GALNT10: variants seen among roughly 807,000 people sequenced by gnomAD.
GALNT10 encodes polypeptide N-acetylgalactosaminyltransferase 10.
In GALNT10, 41 loss-of-function variants were observed where a neutral mutation model predicts 75.0. That is an observed-to-expected ratio of 0.55 (90% CI 0.43 to 0.71). The LOEUF is 0.71. Ranked by LOEUF, GALNT10 falls within the 30% of genes least tolerant of loss-of-function variation. The pLI, the probability that GALNT10 is intolerant of heterozygous loss-of-function variation, is 0.00. For missense variants in GALNT10, 727 were observed against 818.5 expected, an observed-to-expected ratio of 0.89 and a Z score of 1.36; for synonymous variants, 302 against 313.0, an observed-to-expected ratio of 0.96 and a Z score of 0.37.
chr5:154,338,365 G>T, intron 4 of GALNT10: 1 of 462,088 alleles, frequency 2.2e-6, no homozygotes, highest in Non-Finnish European at 4.0e-6. Context: ...TGAGACCTCA[G>T]GCTCTCATCA....
At chr5:154,339,860 C>T (rs1755004380) in intron 4 of GALNT10, among the ~76,000 whole-genome samples, 1 of 152,156 alleles carries the variant, frequency 6.6e-6, no homozygotes, top group Non-Finnish European at 1.5e-5. Context: ...CAATGGAACA[C>T]AAGACTGGGG....
At chr5:154,310,623 C>T (rs754052674) in intron 3 of GALNT10, among the ~76,000 whole-genome samples, 8 of 151,896 alleles carry the variant, frequency 5.3e-5, no homozygotes, top group Non-Finnish European at 1.0e-4. Flanking sequence ...GCATACCACC[C>T]ACCACACCTG....
chr5:154,341,757 T>G (rs999977704), intron 4 of GALNT10, among the ~76,000 whole-genome samples: 4 of 152,140 alleles, frequency 2.6e-5, no homozygotes, highest in African/African-American at 9.7e-5. Flanking sequence ...TAAATAGACC[T>G]TCTTCCTGAG....
chr5:154,392,891 A>G (rs1471600423), intron 7 of GALNT10: 1 of 152,096 alleles, frequency 6.6e-6, no homozygotes, highest in African/African-American at 2.4e-5. Flanking sequence ...TTCCATGCCC[A>G]GGAGTTTATA....
intron 3 of GALNT10, among the ~76,000 whole-genome samples, chr5:154,306,727 A>C (rs1488501319): frequency 1.3e-5 from 2 of 152,094 alleles, no homozygotes; most frequent in East Asian, 1.9e-4. Flanking sequence ...GCTGGTCAAA[A>C]AACAACAACA....
intron 1 of GALNT10, among the ~76,000 whole-genome samples, chr5:154,264,006 G>A (rs1753741007): frequency 6.6e-6 from 1 of 152,114 alleles, no homozygotes; most frequent in Non-Finnish European, 1.5e-5. Context: ...TTTGTGTTAT[G>A]TGATTTATAT....
intron 1 of GALNT10, among the ~76,000 whole-genome samples, chr5:154,253,843 T>C (rs1753566944): frequency 6.6e-6 from 1 of 151,996 alleles, no homozygotes; most frequent in South Asian, 2.1e-4. Flanking sequence ...GTTCCTGTCC[T>C]GCTCAGTTTG....
chr5:154,231,948 G>A (rs1373730497), intron 1 of GALNT10, among the ~76,000 whole-genome samples: 3 of 152,206 alleles, frequency 2.0e-5, no homozygotes. Context: ...TCAGCCCAAA[G>A]AGCCTGTTAA....
chr5:154,332,282 C>A (rs750799901), intron 4 of GALNT10, among the ~76,000 whole-genome samples: 4 of 152,188 alleles, frequency 2.6e-5, no homozygotes, highest in Non-Finnish European at 5.9e-5. Context: ...TCTGAGCAGG[C>A]TCCTTGTTGT....
At chr5:154,290,633 G>A (rs919481177) in intron 1 of GALNT10, among the ~76,000 whole-genome samples, 8 of 152,128 alleles carry the variant, frequency 5.3e-5, no homozygotes, top group Admixed American at 3.9e-4. Context: ...GATTGTCTCC[G>A]TTCATCTGAA....
At chr5:154,338,046 A>G in intron 4 of GALNT10, 1 of 1,381,424 alleles carries the variant, frequency 7.2e-7, no homozygotes, top group South Asian at 1.2e-5. Context: ...ATTTTTCCAT[A>G]CTGTTCAAAA....
chr5:154,315,278 C>T (rs957688438), intron 3 of GALNT10, among the ~76,000 whole-genome samples: 2 of 152,256 alleles, frequency 1.3e-5, no homozygotes, highest in East Asian at 1.9e-4. Context: ...CAAGGAATCA[C>T]GGGCAATAGA....
chr5:154,290,767 G>A (rs1398399148), intron 1 of GALNT10, among the ~76,000 whole-genome samples: 1 of 152,188 alleles, frequency 6.6e-6, no homozygotes, highest in Non-Finnish European at 1.5e-5. Context: ...TAACCTGGGA[G>A]TCAAAGGACA....
rs141054934 is a variant in GALNT10, at chr5:154,336,420, C to T, written c.568+6682C>T. On this transcript the variant is annotated intron_variant, in intron 4 of 11. Transcript: ENST00000297107. ...TATAAGAAACTGCCAAATTGTCTTC[C>T]AAAGTGGCTGTACCATTTTGCATTT... Among the ~76,000 whole-genome samples, 1,312 of 152,298 alleles carry T rather than the reference C, an allele frequency of 8.6e-3. 20 individuals are homozygous for T. The highest frequency in any genetic ancestry group is 0.031 in the African/African-American group (1,281 of 41,540).
intron 7 of GALNT10, among the ~76,000 whole-genome samples, chr5:154,394,056 G>A (rs963861646): frequency 1.8e-4 from 27 of 152,248 alleles, no homozygotes; most frequent in Middle Eastern, 3.4e-3. Context: ...GGGCCCCACC[G>A]TCCTTGGCAA....
intron 7 of GALNT10, among the ~76,000 whole-genome samples, chr5:154,395,438 G>A (rs1289412972): frequency 1.3e-5 from 2 of 152,214 alleles, no homozygotes; most frequent in Non-Finnish European, 2.9e-5. Context: ...TAGTGCAGTC[G>A]TGAGCATGAT....
At chr5:154,214,650 G>T (rs1752838978) in intron 1 of GALNT10, among the ~76,000 whole-genome samples, 1 of 152,208 alleles carries the variant, frequency 6.6e-6, no homozygotes, top group African/African-American at 2.4e-5. Context: ...CCGAGGTTAT[G>T]AGTAAGTCTT....
intron 1 of GALNT10, among the ~76,000 whole-genome samples, chr5:154,254,511 T>G (rs1298674003): frequency 7.0e-6 from 1 of 142,612 alleles, no homozygotes; most frequent in Non-Finnish European, 1.5e-5. Context: ...ATTTCTTTTC[T>G]TTTTTTTTTT....
chr5:154,372,251 GT>G (rs1270166917), intron 4 of GALNT10, among the ~76,000 whole-genome samples: 1 of 152,160 alleles, frequency 6.6e-6, no homozygotes, highest in Non-Finnish European at 1.5e-5. Flanking sequence ...CATCATAGAG[GT>G]TTTGTGAATA....
Sources: allele counts gnomAD v4.1 joint callset (sites outside exome capture counted in the v4.1 genomes callset), GRCh38; gene constraint gnomAD v4.1.1; transcripts MANE v1.5; gene names NCBI Gene and HGNC (gene_info 2026-07-23, HGNC 2026-07-21).